Variants in NUP37 observed in about 807,000 individuals in gnomAD.
NUP37 encodes the protein nucleoporin 37, also known as nucleoporin Nup37.
NUP37 carries 33 observed loss-of-function variants against 45.4 expected under a neutral mutation model. The ratio of observed to expected loss-of-function variants is 0.73; its 90% CI spans 0.55 to 0.97. The LOEUF (loss-of-function observed/expected upper bound fraction) is 0.97, where lower values mean the gene tolerates loss of function less well. NUP37 is among the 50% of genes least tolerant of loss of function. The pLI, the probability that NUP37 is intolerant of heterozygous loss-of-function variation, is 0.00. For missense variants in NUP37, 365 were observed against 389.7 expected (o/e 0.94, Z 0.53); for synonymous variants, 127 against 130.7 (o/e 0.97, Z 0.19).
chr12:102,076,880 T>C (rs770663344), intron 7 of NUP37, 33 bp from the exon 8 acceptor site: 5 of 1,510,572 alleles, frequency 3.3e-6, no homozygotes, highest in Middle Eastern at 1.7e-4. Flanking sequence ...TTATGAATTA[T>C]GTGTTAAACT....
chr12:102,092,848 A>T (rs1443878096), intron 5 of NUP37, among the ~76,000 whole-genome samples: 2 of 152,170 alleles, frequency 1.3e-5, no homozygotes, highest in African/African-American at 4.8e-5. Flanking sequence ...ACAACAAAAT[A>T]GCAGGATAGT....
chr12:102,083,009 T>C (rs1309307978), intron 6 of NUP37, among the ~76,000 whole-genome samples: 1 of 152,146 alleles, frequency 6.6e-6, no homozygotes, highest in Non-Finnish European at 1.5e-5. Context: ...TCTGAAGTCA[T>C]GGAAACATCA....
At chr12:102,103,029 C>T (rs529376223) in intron 3 of NUP37, among the ~76,000 whole-genome samples, 5 of 142,238 alleles carry the variant, frequency 3.5e-5, no homozygotes, top group South Asian at 4.4e-4. Flanking sequence ...TAGTGTGATG[C>T]CTCCGGGTTT....
At chr12:102,076,737 A>C in intron 8 of NUP37, 60 bp downstream of exon 8, 1 of 1,380,748 alleles carries the variant, frequency 7.2e-7, no homozygotes, top group East Asian at 2.3e-5. Flanking sequence ...AAAGTATCCC[A>C]GTGGTGGCAC....
chr12:102,082,646 T>A (rs1879361608), intron 6 of NUP37, among the ~76,000 whole-genome samples: 1 of 152,218 alleles, frequency 6.6e-6, no homozygotes, highest in Non-Finnish European at 1.5e-5. Context: ...AACTGGGATC[T>A]GACTCCAGGC....
chr12:102,112,310 T>G (rs891009206), intron 2 of NUP37, 78 bp from the exon 3 acceptor site: 23 of 1,194,842 alleles, frequency 1.9e-5, no homozygotes, highest in Admixed American at 9.0e-5. Context: ...ATAATGAATT[T>G]ATCAGGAGGT....
intron 7 of NUP37, 192 bp downstream of exon 7, chr12:102,077,129 TG>T (rs1879193209): frequency 1.6e-6 from 1 of 641,134 alleles, no homozygotes; most frequent in East Asian, 2.7e-5. Flanking sequence ...CTGTCCTTTC[TG>T]GGTTACTCCC....
At chr12:102,081,334 G>GGT (rs774054245) in intron 6 of NUP37, among the ~76,000 whole-genome samples, 16 of 152,174 alleles carry the variant, frequency 1.1e-4, no homozygotes, top group Non-Finnish European at 1.6e-4. Flanking sequence ...TGGGTGATAA[G>GGT]AACAGATAGG....
chr12:102,116,112 A>G (rs1369230548), intron 2 of NUP37, among the ~76,000 whole-genome samples: 1 of 152,194 alleles, frequency 6.6e-6, no homozygotes, highest in Non-Finnish European at 1.5e-5. Context: ...ATGTGACCAT[A>G]AACTATAACA....
chr12:102,079,472 A>ACACACTGGGT, intron 6 of NUP37, among the ~76,000 whole-genome samples: 1 of 152,308 alleles, frequency 6.6e-6, no homozygotes, highest in Admixed American at 6.5e-5. Context: ...CACTGGGGAA[A>ACACACTGGGT]TACACAGTTA....
chr12:102,089,174 C>T (rs1266229320), intron 5 of NUP37, among the ~76,000 whole-genome samples: 18 of 151,622 alleles, frequency 1.2e-4, no homozygotes, highest in South Asian at 6.3e-4. Context: ...CTTTTCTTTT[C>T]GACAAAACCG....
intron 6 of NUP37, among the ~76,000 whole-genome samples, chr12:102,080,740 G>A (rs537192468): frequency 6.6e-6 from 1 of 152,308 alleles, no homozygotes; most frequent in South Asian, 2.1e-4. Flanking sequence ...GTGCACACAT[G>A]TTCCCTGCTA....
rs1879961713 is a variant in NUP37, at chr12:102,101,151, T to A, written c.282-47A>T. On this transcript the variant is annotated intron_variant, in intron 3 of 9. Coordinates refer to ENST00000552283, the MANE Select transcript of NUP37 (RefSeq NM_024057.4). ...TATACCAATTTTTAGCCTTTGTAAG[T>A]GAAAGGTCTCCCCCTCCCCCCCATC... 2.8e-6 allele frequency: 3 copies of A among 1,080,068 alleles called. No homozygotes were observed. The East Asian group carries it at 7.6e-5, about 27-fold the overall frequency. 66.9% of individuals were successfully genotyped at this position (1,080,068 alleles called of 1,614,324 possible). A position where few individuals can be genotyped will look rare whatever the true frequency, so the allele number is the denominator to read the frequency against.
chr12:102,120,025 C>T (rs1475032698), intron 1 of NUP37, 25 bp downstream of exon 1: 1 of 153,466 alleles, frequency 6.5e-6, no homozygotes, highest in African/African-American at 2.4e-5. Context: ...ATCCCGGCCT[C>T]TCGGGCTCCC....
At chr12:102,118,621 T>C (rs1594405300) in intron 1 of NUP37, 38 bp from the exon 2 acceptor site, 11 of 999,662 alleles carry the variant, frequency 1.1e-5, no homozygotes, top group Non-Finnish European at 1.6e-5. Context: ...CAATGGTCAA[T>C]ATGTTAGTCA....
intron 5 of NUP37, among the ~76,000 whole-genome samples, chr12:102,086,961 G>A (rs768156691): frequency 2.6e-5 from 4 of 152,208 alleles, no homozygotes; most frequent in Non-Finnish European, 5.9e-5. Flanking sequence ...ATGCACACTT[G>A]TAGCCCCAGC....
At chr12:102,119,875 A>C (rs1436694740) in intron 1 of NUP37, among the ~76,000 whole-genome samples, 175 bp downstream of exon 1, 1 of 152,164 alleles carries the variant, frequency 6.6e-6, no homozygotes, top group African/African-American at 2.4e-5. Context: ...GGAACAAGAT[A>C]AGTCTCTGCA....
Position 102,085,856 on chromosome 12 carries a change from C to A in NUP37, c.450G>T (p.Arg150Ser). The A allele has an allele frequency of 6.6e-7, 1 of 1,509,110 alleles. No homozygotes were observed. Among genetic ancestry groups the A allele is most frequent in the South Asian group, 1.2e-5 (1 of 85,922 alleles). The allele number at this position is 1,509,110 out of a possible 1,614,324, so 93.5% of individuals were successfully genotyped here. A position where few individuals can be genotyped will look rare whatever the true frequency, so the allele number is the denominator to read the frequency against. Residue 150 changes from arginine to serine, a missense_variant and splice_region_variant, in exon 6 of 10, where the codon AGG (arginine) becomes AGT (serine). Transcript: ENST00000552283. ...IASVSDDHTCRIWNLEGVQTA... is the reference protein window; with the variant it reads ...IASVSDDHTCSIWNLEGVQTA... ...TTTGCACTCCTTCCAAGTTCCAAAT[C>A]CTAATAAAAGAATAACAGTATAATG...
chr12:102,081,440 T>C (rs896821637), intron 6 of NUP37, among the ~76,000 whole-genome samples: 3 of 152,188 alleles, frequency 2.0e-5, no homozygotes, highest in African/African-American at 7.2e-5. Context: ...AACAATACTA[T>C]GCACTGTGAA....
Sources: gnomAD v4.1 joint callset for allele counts (sites outside exome capture counted in the v4.1 genomes callset) on GRCh38, gnomAD v4.1.1 for gene constraint, MANE v1.5 for transcripts, NCBI Gene and HGNC (gene_info 2026-07-23, HGNC 2026-07-21) for gene names.